The following MCTP2 variants were observed in gnomAD, a reference collection of about 807,000 sequenced individuals.
The protein encoded by MCTP2 is multiple C2 and transmembrane domain-containing protein 2.
In MCTP2, 132 loss-of-function variants were observed where a neutral mutation model predicts 111.6. The ratio of observed to expected loss-of-function variants is 1.18; its 90% CI spans 1.03 to 1.37. The LOEUF (loss-of-function observed/expected upper bound fraction) is 1.37, where lower values mean the gene tolerates loss of function less well. MCTP2 is among the 40% of genes most tolerant of loss of function. The pLI, the probability that MCTP2 is intolerant of heterozygous loss-of-function variation, is 0.00. For missense variants in MCTP2, 1,183 were observed against 1,067.9 expected, an observed-to-expected ratio of 1.11 and a Z score of -1.50; for synonymous variants, 395 against 387.7, an observed-to-expected ratio of 1.02 and a Z score of -0.22.
At chr15:94,361,484 A>G (rs2078939940) in intron 10 of MCTP2, among the ~76,000 whole-genome samples, 1 of 152,110 alleles carries the variant, frequency 6.6e-6, no homozygotes, top group South Asian at 2.1e-4. Context: ...TATCTGTATA[A>G]TGGGCTCACT....
intron 4 of MCTP2, among the ~76,000 whole-genome samples, chr15:94,317,321 C>T (rs548249062): frequency 5.3e-5 from 8 of 152,104 alleles, no homozygotes; most frequent in African/African-American, 1.9e-4. Context: ...CTTACTATGT[C>T]CTGCAATTTG....
At position 94,345,174 on chromosome 15, in the gene MCTP2, C is replaced by CT. The variant is rs750309440; in HGVS notation, c.1005+18dup. ...ATTAAGTGCCAGCAAGGTAAATATA[C>CT]TTTTTTTTCCTTTAGATCATTTGGT... is the stretch of plus-strand genomic sequence containing the variant. On this transcript the variant is annotated intron_variant, in intron 8 of 22. Transcript: ENST00000357742. The CT allele has an allele frequency of 1.4e-5, 23 of 1,608,472 alleles. No individual in the cohort carries two copies. The highest frequency in any genetic ancestry group is 3.3e-5 in the Admixed American group (2 of 59,770).
At chr15:94,303,991 C>T (rs1202523018) in intron 2 of MCTP2, among the ~76,000 whole-genome samples, 1 of 152,168 alleles carries the variant, frequency 6.6e-6, no homozygotes, top group Non-Finnish European at 1.5e-5. Flanking sequence ...GCAAGGGCAT[C>T]ACTGAGTAAG....
intron 1 of MCTP2, among the ~76,000 whole-genome samples, chr15:94,248,556 A>G (rs1212750347): frequency 6.6e-6 from 1 of 152,172 alleles, no homozygotes; most frequent in East Asian, 1.9e-4. Flanking sequence ...CGCTTAAAAT[A>G]TGTTCTTTCG....
intron 16 of MCTP2, among the ~76,000 whole-genome samples, chr15:94,401,388 C>T (rs1358927202): frequency 6.6e-6 from 1 of 152,206 alleles, no homozygotes; most frequent in Non-Finnish European, 1.5e-5. Flanking sequence ...CCAAGGTGAA[C>T]TCCAATCCCT....
intron 20 of MCTP2, among the ~76,000 whole-genome samples, chr15:94,468,049 G>T (rs770518364): frequency 6.6e-6 from 1 of 151,372 alleles, no homozygotes; most frequent in Admixed American, 6.5e-5. Context: ...TTGTTCATGC[G>T]AAAGTTTATA....
intron 17 of MCTP2, among the ~76,000 whole-genome samples, chr15:94,410,971 G>A (rs2082126591): frequency 6.6e-6 from 1 of 152,216 alleles, no homozygotes; most frequent in South Asian, 2.1e-4. Flanking sequence ...GTGCTAACTA[G>A]TAGCAAAATG....
chr15:94,245,242 A>ATT (rs2071756254), intron 1 of MCTP2, among the ~76,000 whole-genome samples: 2 of 143,434 alleles, frequency 1.4e-5, no homozygotes, highest in South Asian at 2.2e-4. Flanking sequence ...GTATGTATAT[A>ATT]TACACATATG....
chr15:94,392,394 A>C (rs988943453), intron 14 of MCTP2, among the ~76,000 whole-genome samples: 21 of 151,802 alleles, frequency 1.4e-4, no homozygotes, highest in African/African-American at 4.8e-4. Context: ...AGTAATAGTA[A>C]GGTTATTATA....
At chr15:94,237,162 A>G (rs2070629972) in intron 1 of MCTP2, among the ~76,000 whole-genome samples, 2 of 152,200 alleles carry the variant, frequency 1.3e-5, no homozygotes, top group South Asian at 4.1e-4. Flanking sequence ...GCACTCCAGG[A>G]AAGAGGTTGG....
Position 94,480,840 on chromosome 15 carries a change from C to G in MCTP2, c.*1806C>G, listed in dbSNP as rs544228178. 3 of 152,178 alleles carry G rather than the reference C, an allele frequency of 2.0e-5. No homozygotes were observed. Among genetic ancestry groups the G allele is most frequent in the African/African-American group, 7.2e-5 (3 of 41,508 alleles). 9.4% of individuals were successfully genotyped at this position (152,178 alleles called of 1,614,324 possible). On this transcript the variant is annotated 3_prime_UTR_variant, in exon 23 of 23. Coordinates refer to ENST00000357742, the MANE Select transcript of MCTP2 (RefSeq NM_001385001.1). Reference sequence around the variant, plus strand: ...GAATTTCAAAATGAAATTATTTGCCCGACAAGAAGGCATCATTAGTTAGAC... The same window carrying G: ...GAATTTCAAAATGAAATTATTTGCCGGACAAGAAGGCATCATTAGTTAGAC...
chr15:94,406,066 A>T (rs2081881879), intron 17 of MCTP2, among the ~76,000 whole-genome samples: 1 of 152,218 alleles, frequency 6.6e-6, no homozygotes, highest in Non-Finnish European at 1.5e-5. Flanking sequence ...TTTTATACAC[A>T]TGTATATACA....
Position 94,340,228 on chromosome 15 carries a change from T to C in MCTP2, c.810T>C (p.Asp270=). The C allele has an allele frequency of 6.2e-7, 1 of 1,613,264 alleles. No individual in the cohort carries two copies. Among genetic ancestry groups the C allele is most frequent in the Non-Finnish European group, 8.5e-7 (1 of 1,179,388 alleles). The change falls in exon 6 of 23, where the codon GAT becomes GAC. Residue 270 remains aspartate, a synonymous_variant. Coordinates refer to ENST00000357742, the MANE Select transcript of MCTP2 (RefSeq NM_001385001.1). The part of the protein sequence containing the change: ...KVYDRDLTTS[D]FMGSAFVILS... ...ATGATCGAGATTTAACCACATCTGA[T>C]TTCATGGGTTCTGCATTTGTCATTC... is the stretch of plus-strand genomic sequence containing the variant.
chr15:94,240,643 T>C (rs1266670904), intron 1 of MCTP2, among the ~76,000 whole-genome samples: 2 of 152,190 alleles, frequency 1.3e-5, no homozygotes, highest in African/African-American at 4.8e-5. Flanking sequence ...AAACGCAGCA[T>C]GGTCTTGATA....
intron 19 of MCTP2, among the ~76,000 whole-genome samples, chr15:94,443,702 G>A (rs2255359): frequency 0.083 from 12,696 of 152,098 alleles, 578 homozygotes; most frequent in East Asian, 0.15. Context: ...AAGAGCCTTA[G>A]AATTAATTGA....
At chr15:94,435,440 T>A (rs2083417548) in intron 17 of MCTP2, among the ~76,000 whole-genome samples, 2 of 152,026 alleles carry the variant, frequency 1.3e-5, no homozygotes, top group South Asian at 4.1e-4. Context: ...AAATTAAAAA[T>A]TTTTATTTTT....
chr15:94,393,068 ATC>A (rs1462374871), intron 14 of MCTP2, among the ~76,000 whole-genome samples: 1 of 152,160 alleles, frequency 6.6e-6, no homozygotes, highest in African/African-American at 2.4e-5. Context: ...TGCAAATACT[ATC>A]TGATAATATA....
rs867034080 is a variant in MCTP2 at position 94,331,129 on chromosome 15, C to G, written c.638-8161C>G. ...AATTCACTGAAATTACTGAATTCAT[C>G]ATGTTAATATATTGACAGTGTTTTT... On this transcript the variant is annotated intron_variant, in intron 4 of 22. Transcript: ENST00000357742. Among the ~76,000 whole-genome samples the G allele has an allele frequency of 2.0e-5, 3 of 152,306 alleles. No homozygotes were observed. In the South Asian group the frequency reaches 6.2e-4, roughly 32 times the overall value.
At chr15:94,401,371 A>G (rs2081580263) in intron 16 of MCTP2, among the ~76,000 whole-genome samples, 1 of 152,226 alleles carries the variant, frequency 6.6e-6, no homozygotes, top group Non-Finnish European at 1.5e-5. Flanking sequence ...GAAGTTAAGT[A>G]ACTTGCCCAA....
Sources: gnomAD v4.1 joint callset for allele counts (sites outside exome capture counted in the v4.1 genomes callset) on GRCh38, gnomAD v4.1.1 for gene constraint, MANE v1.5 for transcripts, NCBI Gene and HGNC (gene_info 2026-07-23, HGNC 2026-07-21) for gene names.